The following DNAH11 variants were observed in gnomAD, a reference collection of about 807,000 sequenced individuals.
DNAH11 encodes the protein dynein axonemal heavy chain 11.
Under a neutral mutation model 526.0 loss-of-function variants are expected in DNAH11, and 442 were observed. The observed-to-expected ratio is 0.84, with a 90% CI of 0.78 to 0.91. The LOEUF is 0.91. Among genes scored for constraint, DNAH11 ranks in the 40% least tolerant of loss-of-function variants. The pLI is 0.00. For missense variants in DNAH11, 6,989 were observed against 5,448.7 expected (o/e 1.28, Z -8.90); for synonymous variants, 2,461 against 1,935.9 (o/e 1.27, Z -7.12).
At chr7:21,684,776 A>G (rs549546179) in intron 32 of DNAH11, among the ~76,000 whole-genome samples, 1 of 152,394 alleles carries the variant, frequency 6.6e-6, no homozygotes, top group African/African-American at 2.4e-5. Context: ...AAGTAAATAC[A>G]TACCTAGTCA....
rs372433058 is a variant in DNAH11, at chr7:21,787,481, C to G, written c.9822C>G (p.His3274Gln). ...PENCLKVVNE[H>Q]YLKDPEFNPN... ...ACTGTCTAAAAGTGGTGAATGAACA[C>G]TATTTGAAAGACCCAGAGTTTAATC... Residue 3274 changes from histidine (H) to glutamine (Q), a missense_variant, in exon 60 of 82, where the codon CAC becomes CAG. His to Gln is a conservative substitution (Grantham distance 24, BLOSUM62 0). Coordinates refer to ENST00000409508, the MANE Select transcript of DNAH11 (RefSeq NM_001277115.2). 4 of 1,613,784 alleles carry G rather than the reference C, an allele frequency of 2.5e-6. No homozygotes were observed. Among genetic ancestry groups the G allele is most frequent in the Non-Finnish European group, 3.4e-6 (4 of 1,179,766 alleles).
At chr7:21,679,243 G>A (rs780554177) in intron 30 of DNAH11, among the ~76,000 whole-genome samples, 6 of 152,110 alleles carry the variant, frequency 3.9e-5, no homozygotes, top group Non-Finnish European at 7.3e-5. Context: ...ATAGGGATGG[G>A]GGAAAACAGA....
chr7:21,557,855 C>A (rs1277155676), intron 2 of DNAH11, among the ~76,000 whole-genome samples: 3 of 152,160 alleles, frequency 2.0e-5, no homozygotes, highest in South Asian at 4.1e-4. Flanking sequence ...TCCAGGATCT[C>A]ACCTACTGAG....
Position 21,589,333 on chromosome 7 carries a change from T to C in DNAH11, c.2099T>C (p.Phe700Ser), listed in dbSNP as rs1205612152. ...AGTAATGTGGATGAAATCTGTGAAT[T>C]CAATTTGAATCAACCCTTGGTTAAA... ...WKSNVDEICE[F>S]NLNQPLVKFS... is the part of the protein sequence containing the mutation. The change falls in exon 12 of 82, where the codon TTC (phenylalanine) becomes TCC (serine). Residue 700 changes from phenylalanine (F) to serine (S), a missense_variant. Physicochemically the swap from Phe to Ser is radical, Grantham distance 155. Coordinates refer to ENST00000409508, the MANE Select transcript of DNAH11 (RefSeq NM_001277115.2). 26 of 1,610,194 alleles carry C rather than the reference T, an allele frequency of 1.6e-5. No homozygotes were observed. The highest frequency in any genetic ancestry group is 2.0e-5 in the Non-Finnish European group (23 of 1,178,472).
At chr7:21,593,890 T>TC (rs1245195088) in intron 14 of DNAH11, among the ~76,000 whole-genome samples, 2 of 149,192 alleles carry the variant, frequency 1.3e-5, no homozygotes, top group Admixed American at 6.7e-5. Context: ...CTGCCCCTGC[T>TC]CCCCCCAGAC....
intron 9 of DNAH11, among the ~76,000 whole-genome samples, chr7:21,587,408 C>T (rs1423080125): frequency 1.3e-5 from 2 of 152,056 alleles, no homozygotes; most frequent in African/African-American, 4.8e-5. Flanking sequence ...AGTTTCTGCT[C>T]ACTGATAATT....
intron 57 of DNAH11, 105 bp downstream of exon 57, chr7:21,779,209 C>G: frequency 1.1e-5 from 15 of 1,360,118 alleles, no homozygotes; most frequent in South Asian, 1.6e-5. Flanking sequence ...AGCATAAAGT[C>G]TAAAGAATTA....
chr7:21,894,573 G>A (rs1411257660), intron 77 of DNAH11, 50 bp from the exon 78 acceptor site: 4 of 1,580,572 alleles, frequency 2.5e-6, no homozygotes, highest in African/African-American at 2.7e-5. Flanking sequence ...CAGTCACCAT[G>A]ACGAAAACTG....
intron 27 of DNAH11, among the ~76,000 whole-genome samples, chr7:21,638,695 T>TG (rs1786980254): frequency 2.3e-5 from 1 of 43,180 alleles, no homozygotes; most frequent in Non-Finnish European, 4.8e-5. Flanking sequence ...TAATGGGGTG[T>TG]GTGTGTGTGT....
rs1340468164 is a variant in DNAH11 at position 21,744,665 on chromosome 7, AG to A, written c.8316+67del. ...CCAACTGGGTATTGGGACTAAAGTT[AG>A]ATGAGGGTATGAGAGAAGTGCACAA... On this transcript the variant is annotated intron_variant, in intron 50 of 81. Coordinates refer to ENST00000409508, the MANE Select transcript of DNAH11 (RefSeq NM_001277115.2). 4.4e-6 allele frequency: 7 copies of A among 1,582,062 alleles called. No individual in the cohort carries two copies. In the East Asian group the frequency reaches 1.3e-4, roughly 30 times the overall value.
At chr7:21,575,845 T>A (rs1354280143) in intron 8 of DNAH11, among the ~76,000 whole-genome samples, 1 of 152,230 alleles carries the variant, frequency 6.6e-6, no homozygotes, top group Non-Finnish European at 1.5e-5. Flanking sequence ...CTTACTATAT[T>A]TTGGCAGTCA....
At chr7:21,562,644 A>G (rs999440955) in intron 5 of DNAH11, among the ~76,000 whole-genome samples, 6 of 152,200 alleles carry the variant, frequency 3.9e-5, no homozygotes, top group Non-Finnish European at 8.8e-5. Flanking sequence ...GACACACTTC[A>G]GGCATTGTGG....
At chr7:21,748,113 A>G (rs966390161) in intron 51 of DNAH11, among the ~76,000 whole-genome samples, 1 of 152,152 alleles carries the variant, frequency 6.6e-6, no homozygotes, top group African/African-American at 2.4e-5. Flanking sequence ...ATGGGGAAAC[A>G]AATGAACAAG....
chr7:21,782,854 G>A (rs1414187662), intron 57 of DNAH11, among the ~76,000 whole-genome samples: 1 of 150,774 alleles, frequency 6.6e-6, no homozygotes, highest in East Asian at 1.9e-4. Context: ...AGGTTGCAGT[G>A]AGCCGAGATC....
intron 54 of DNAH11, among the ~76,000 whole-genome samples, chr7:21,756,015 T>A (rs1269475550): frequency 1.3e-5 from 2 of 152,116 alleles, no homozygotes; most frequent in Non-Finnish European, 2.9e-5. Flanking sequence ...TAATTTATCA[T>A]AATTCTGCTA....
intron 20 of DNAH11, among the ~76,000 whole-genome samples, chr7:21,611,691 AATG>A (rs2128450947): frequency 6.6e-6 from 1 of 152,324 alleles, no homozygotes; most frequent in South Asian, 2.1e-4. Context: ...ACTTGTTAGA[AATG>A]ATGATTAGGC....
At chr7:21,656,561 G>A (rs867615695) in intron 29 of DNAH11, among the ~76,000 whole-genome samples, 2 of 152,070 alleles carry the variant, frequency 1.3e-5, no homozygotes, top group African/African-American at 4.8e-5. Flanking sequence ...ACAGTTATCC[G>A]CAAGAATGGC....
chr7:21,781,075 C>G (rs905585093), intron 57 of DNAH11, among the ~76,000 whole-genome samples: 8 of 152,312 alleles, frequency 5.3e-5, no homozygotes, highest in Non-Finnish European at 1.2e-4. Flanking sequence ...ATACCTGAAT[C>G]CATGCTCTGT....
chr7:21,770,974 T>C (rs1010383344), intron 55 of DNAH11, among the ~76,000 whole-genome samples: 1 of 152,158 alleles, frequency 6.6e-6, no homozygotes, highest in South Asian at 2.1e-4. Context: ...ACCACAAATA[T>C]CTTATTAATA....
Sources: gnomAD v4.1 joint callset for allele counts (sites outside exome capture counted in the v4.1 genomes callset) on GRCh38, gnomAD v4.1.1 for gene constraint, MANE v1.5 for transcripts, NCBI Gene and HGNC (gene_info 2026-07-23, HGNC 2026-07-21) for gene names.